Variants in ANK2 observed in about 807,000 individuals in gnomAD.
The protein encoded by ANK2 is ankyrin-2.
In ANK2, 83 loss-of-function variants were observed where a neutral mutation model predicts 360.5. The observed-to-expected ratio is 0.23, with a 90% CI of 0.19 to 0.28. The LOEUF is 0.28. ANK2 is among the 10% of genes least tolerant of loss of function. The probability of loss-of-function intolerance (pLI) is 1.00; values close to 1 mark genes in which losing one functional copy is unlikely to be tolerated. For synonymous variants in ANK2, 1,740 were observed against 1,759.5 expected, an observed-to-expected ratio of 0.99 and a Z score of 0.28; for missense variants, 4,201 against 4,795.7, an observed-to-expected ratio of 0.88 and a Z score of 3.66.
chr4:113,331,026 C>T lies in ANK2; in HGVS notation c.3125+556C>T, dbSNP rs559192839. On this transcript the variant is annotated intron_variant, in intron 27 of 45. Coordinates refer to ENST00000357077, the MANE Select transcript of ANK2 (RefSeq NM_001148.6). ...ATTAAGACAAATACATCAAGACTAG[C>T]TTCCACCGTGCTCGTTTTGGCAATT... Among the ~76,000 whole-genome samples, 7 of 152,300 alleles carry T rather than the reference C, an allele frequency of 4.6e-5. No individual in the cohort carries two copies. In the South Asian group the frequency reaches 1.2e-3, roughly 27 times the overall value.
At chr4:112,903,464 C>A (rs112319295) in intron 1 of ANK2, among the ~76,000 whole-genome samples, 1,843 of 152,248 alleles carry the variant, frequency 0.012, 36 homozygotes, top group African/African-American at 0.041. Context: ...GTATTTGAGT[C>A]TTTCATGTTT....
the ANK2 span, among the ~76,000 whole-genome samples, chr4:112,765,952 T>A: frequency 6.6e-6 from 1 of 152,070 alleles, no homozygotes; most frequent in Non-Finnish European, 1.5e-5. Flanking sequence ...AGTGCCTAGG[T>A]TGGGAACACT....
At chr4:112,705,788 C>T in the ANK2 span, among the ~76,000 whole-genome samples, 15 of 152,254 alleles carry the variant, frequency 9.9e-5, no homozygotes, top group African/African-American at 3.6e-4. Flanking sequence ...TTTCTCCCGG[C>T]GCCGCCGCTA....
At chr4:113,205,235 C>CAAAAAA (rs369993364) in intron 4 of ANK2, among the ~76,000 whole-genome samples, 15 of 63,982 alleles carry the variant, frequency 2.3e-4, no homozygotes, top group African/African-American at 6.1e-4. Flanking sequence ...GACTCCGTCT[C>CAAAAAA]AAAAAAAAAA....
Position 113,021,541 on chromosome 4 carries a change from C to CACACACACACATATATATATAT in ANK2, c.21+117028_21+117029insCACACACACATATATATATATA, listed in dbSNP as rs1489947974. Among the ~76,000 whole-genome samples the CACACACACACATATATATATAT allele has an allele frequency of 6.7e-4, 64 of 95,628 alleles. 2 individuals carry two copies. Among genetic ancestry groups the CACACACACACATATATATATAT allele is most frequent in the African/African-American group, 1.2e-3 (31 of 26,172 alleles). 62.7% of individuals were successfully genotyped at this position (95,628 alleles called of 152,430 possible). The stretch of plus-strand genomic sequence containing the variant: ...ATACACACACACACCCACACACAAA[C>CACACACACACATATATATATAT]ATATATATATATATATATATATATA... On this transcript the variant is annotated intron_variant, in intron 2 of 30. Coordinates refer to the ANK2 transcript ENST00000503271.
the ANK2 span, among the ~76,000 whole-genome samples, chr4:112,782,095 TGGA>T: frequency 6.6e-6 from 1 of 152,192 alleles, no homozygotes; most frequent in African/African-American, 2.4e-5. Context: ...CCCAAAGTGC[TGGA>T]ATTACAGGCG....
chr4:113,247,714 TC>T (rs1361983957), intron 9 of ANK2, among the ~76,000 whole-genome samples: 1 of 152,218 alleles, frequency 6.6e-6, no homozygotes, highest in Non-Finnish European at 1.5e-5. Flanking sequence ...GAGAGATTCA[TC>T]CATGGTGACC....
At chr4:113,375,728 AAAAAAAAAG>A (rs1339419825) in intron 45 of ANK2, among the ~76,000 whole-genome samples, 14 of 151,746 alleles carry the variant, frequency 9.2e-5, no homozygotes, top group Non-Finnish European at 1.6e-4. Flanking sequence ...TCGTCTCAAA[AAAAAAAAAG>A]AAAAAAAAGA....
chr4:113,292,525 CG>C lies in ANK2; in HGVS notation c.2376+12del. The C allele has an allele frequency of 6.3e-7, 1 of 1,593,300 alleles. No individual in the cohort carries two copies. Among genetic ancestry groups the C allele is most frequent in the Non-Finnish European group, 8.6e-7 (1 of 1,167,138 alleles). ...AACGCCACCACTGCGGTAAGGCAGACGCCACTGCCCCTCACCACGCTTTCTT... is the reference window on the plus strand; with the variant it reads ...AACGCCACCACTGCGGTAAGGCAGACCCACTGCCCCTCACCACGCTTTCTT... On this transcript the variant is annotated intron_variant, in intron 21 of 45. Coordinates refer to ENST00000357077, the MANE Select transcript of ANK2 (RefSeq NM_001148.6).
chr4:113,079,905 T>G (rs1303914627), intron 1 of ANK2, among the ~76,000 whole-genome samples: 1 of 151,600 alleles, frequency 6.6e-6, no homozygotes, highest in African/African-American at 2.4e-5. Flanking sequence ...GAATTTTTTT[T>G]TTTTTTTTTT....
the ANK2 span, chr4:112,797,960 A>T: frequency 6.3e-6 from 1 of 159,088 alleles, no homozygotes; most frequent in Non-Finnish European, 1.4e-5. Flanking sequence ...TCTGAGGTTG[A>T]GGACAAGATT....
chr4:113,042,087 G>A (rs1579795496), intron 2 of ANK2, among the ~76,000 whole-genome samples: 2 of 152,154 alleles, frequency 1.3e-5, no homozygotes, highest in South Asian at 2.1e-4. Context: ...AGTCAACTGA[G>A]TAAAGAAGAT....
At chr4:112,772,816 C>T in the ANK2 span, among the ~76,000 whole-genome samples, 1 of 152,072 alleles carries the variant, frequency 6.6e-6, no homozygotes, top group Non-Finnish European at 1.5e-5. Flanking sequence ...CTTTCTTCTT[C>T]TGCTACATTT....
At chr4:113,320,788 A>C (rs2085765856) in intron 26 of ANK2, among the ~76,000 whole-genome samples, 1 of 152,188 alleles carries the variant, frequency 6.6e-6, no homozygotes, top group South Asian at 2.1e-4. Context: ...CTGTTAGGAA[A>C]AACTTTGCTT....
At chr4:113,369,150 A>T (rs2096640684) in intron 42 of ANK2, among the ~76,000 whole-genome samples, 1 of 152,198 alleles carries the variant, frequency 6.6e-6, no homozygotes, top group African/African-American at 2.4e-5. Flanking sequence ...CAAAAGCCTT[A>T]TTATCTACAA....
At chr4:112,839,786 C>G (rs530451864) in intron 1 of ANK2, among the ~76,000 whole-genome samples, 10 of 152,308 alleles carry the variant, frequency 6.6e-5, no homozygotes, top group African/African-American at 2.4e-4. Flanking sequence ...CATGTCTGCT[C>G]TTTATCCTGG....
chr4:113,363,192 A>G, intron 39 of ANK2, 146 bp from the exon 40 acceptor site: 1 of 764,500 alleles, frequency 1.3e-6, no homozygotes, highest in South Asian at 1.7e-5. Context: ...AAAGGCATAT[A>G]AGAGTCACTT....
At chr4:113,349,232 A>G (rs2095225601) in intron 36 of ANK2, among the ~76,000 whole-genome samples, 1 of 152,172 alleles carries the variant, frequency 6.6e-6, no homozygotes, top group African/African-American at 2.4e-5. Flanking sequence ...TCCGTTATAA[A>G]GATCTGAAAA....
chr4:112,927,783 A>C (rs1037533967), intron 2 of ANK2, among the ~76,000 whole-genome samples: 6 of 152,212 alleles, frequency 3.9e-5, no homozygotes, highest in African/African-American at 1.4e-4. Context: ...AAACATGTCA[A>C]AGTGATATGT....
Sources: allele counts gnomAD v4.1 joint callset (sites outside exome capture counted in the v4.1 genomes callset), GRCh38; gene constraint gnomAD v4.1.1; transcripts MANE v1.5; gene names NCBI Gene and HGNC (gene_info 2026-07-23, HGNC 2026-07-21).